AFG1L: variants seen among roughly 807,000 people sequenced by gnomAD.
AFG1L encodes AFG1-like ATPase.
AFG1L carries 53 observed loss-of-function variants against 62.2 expected under a neutral mutation model. The observed-to-expected ratio is 0.85, with a 90% CI of 0.68 to 1.07. The LOEUF (loss-of-function observed/expected upper bound fraction) is 1.07. Ranked by LOEUF, AFG1L falls within the 50% of genes least tolerant of loss-of-function variation. The pLI is 0.00. For missense variants in AFG1L, 555 were observed against 590.5 expected, an observed-to-expected ratio of 0.94 and a Z score of 0.62; for synonymous variants, 228 against 210.3, an observed-to-expected ratio of 1.08 and a Z score of -0.73.
chr6:108,418,446 C>T (rs1178519426), intron 7 of AFG1L, among the ~76,000 whole-genome samples: 1 of 152,150 alleles, frequency 6.6e-6, no homozygotes, highest in African/African-American at 2.4e-5. Context: ...ATATAATATA[C>T]AAAGGGCAAA....
At chr6:108,347,251 T>TTAG (rs1778899867) in intron 3 of AFG1L, among the ~76,000 whole-genome samples, 1 of 152,172 alleles carries the variant, frequency 6.6e-6, no homozygotes, top group Non-Finnish European at 1.5e-5. Context: ...TAGGGCAGAA[T>TTAG]TAGTCACCAT....
intron 6 of AFG1L, among the ~76,000 whole-genome samples, chr6:108,394,649 A>G (rs1781212842): frequency 6.6e-6 from 1 of 152,156 alleles, no homozygotes; most frequent in Non-Finnish European, 1.5e-5. Context: ...TGCTATGTGT[A>G]TGATAGTCTA....
intron 2 of AFG1L, among the ~76,000 whole-genome samples, chr6:108,329,684 T>C (rs1361547157): frequency 6.6e-6 from 1 of 151,966 alleles, no homozygotes; most frequent in Non-Finnish European, 1.5e-5. Context: ...TTTTAAAGAG[T>C]GTAAAGACGA....
intron 1 of AFG1L, chr6:108,295,847 A>C (rs1464643409): frequency 1.3e-5 from 2 of 152,166 alleles, no homozygotes; most frequent in East Asian, 3.9e-4. Flanking sequence ...TGCTCTATTC[A>C]TGTATTCGCA....
chr6:108,425,182 G>A (rs1333528296), intron 7 of AFG1L, among the ~76,000 whole-genome samples: 1 of 152,182 alleles, frequency 6.6e-6, no homozygotes, highest in Non-Finnish European at 1.5e-5. Context: ...CAGAGGTTAA[G>A]AGAGCCTTTT....
intron 7 of AFG1L, among the ~76,000 whole-genome samples, chr6:108,444,334 A>G (rs1485315287): frequency 6.6e-6 from 1 of 152,190 alleles, no homozygotes; most frequent in Admixed American, 6.5e-5. Flanking sequence ...CTGAACTTTC[A>G]GTGAGTGGTC....
At chr6:108,428,670 G>A (rs1770934962) in intron 7 of AFG1L, among the ~76,000 whole-genome samples, 1 of 152,160 alleles carries the variant, frequency 6.6e-6, no homozygotes, top group Non-Finnish European at 1.5e-5. Context: ...GTACCTCATT[G>A]TGGTTTTAAT....
intron 10 of AFG1L, among the ~76,000 whole-genome samples, chr6:108,481,158 T>G (rs1227862188): frequency 6.6e-6 from 1 of 152,204 alleles, no homozygotes; most frequent in African/African-American, 2.4e-5. Context: ...AAGTGCTGCC[T>G]TAGAGAAGTG....
At chr6:108,390,419 G>A (rs1290996008) in intron 6 of AFG1L, among the ~76,000 whole-genome samples, 6 of 152,186 alleles carry the variant, frequency 3.9e-5, no homozygotes, top group Non-Finnish European at 5.9e-5. Flanking sequence ...GAGGAGCTGC[G>A]TTCCTTTGGA....
chr6:108,466,886 A>T (rs1166900232), intron 8 of AFG1L, among the ~76,000 whole-genome samples: 2 of 151,780 alleles, frequency 1.3e-5, no homozygotes, highest in African/African-American at 2.4e-5. Context: ...CGGTAAAATG[A>T]TAATAAATTG....
intron 8 of AFG1L, among the ~76,000 whole-genome samples, chr6:108,452,494 C>G (rs1772096334): frequency 6.6e-6 from 1 of 152,128 alleles, no homozygotes; most frequent in Non-Finnish European, 1.5e-5. Context: ...TCTTTCCATA[C>G]TCACATACAA....
At chr6:108,395,267 T>C (rs1326654388) in intron 6 of AFG1L, among the ~76,000 whole-genome samples, 3 of 152,140 alleles carry the variant, frequency 2.0e-5, no homozygotes, top group Admixed American at 1.3e-4. Flanking sequence ...AAGTCTATCA[T>C]AGTTATCGAA....
chr6:108,307,215 T>C (rs1777232068), intron 1 of AFG1L, among the ~76,000 whole-genome samples: 1 of 151,714 alleles, frequency 6.6e-6, no homozygotes, highest in African/African-American at 2.4e-5. Flanking sequence ...GGTTTCACAA[T>C]GTTGGCCAGG....
At chr6:108,416,785 G>A (rs1303814578) in intron 7 of AFG1L, among the ~76,000 whole-genome samples, 1 of 152,126 alleles carries the variant, frequency 6.6e-6, no homozygotes, top group Non-Finnish European at 1.5e-5. Context: ...GCGGTGTGGG[G>A]AGAGGGGAGG....
intron 6 of AFG1L, among the ~76,000 whole-genome samples, chr6:108,372,424 G>A (rs1562115872): frequency 6.6e-6 from 1 of 151,288 alleles, no homozygotes; most frequent in Admixed American, 6.6e-5. Context: ...CCGCCTCCTG[G>A]GTTCAAGCGC....
rs1459589818 is a variant in AFG1L at position 108,510,809 on chromosome 6, A to C, written c.1203+457A>C. On this transcript the variant is annotated intron_variant, in intron 11 of 12. Coordinates refer to ENST00000368977, the MANE Select transcript of AFG1L (RefSeq NM_145315.5). ...ATAATGCATGAGCAAGCCAGGTGTG[A>C]TGGCTCATGCCTATCATCCCAGCAC... Among the ~76,000 whole-genome samples, 5 of 152,276 alleles carry C rather than the reference A, an allele frequency of 3.3e-5. No homozygotes were observed. In the Middle Eastern group the frequency reaches 0.01, roughly 311 times the overall value.
intron 7 of AFG1L, among the ~76,000 whole-genome samples, chr6:108,407,005 ACTCCCATGTGAT>A (rs1781885507): frequency 6.6e-6 from 1 of 151,704 alleles, no homozygotes; most frequent in Non-Finnish European, 1.5e-5. Flanking sequence ...GAGGGTTCTG[ACTCCCATGTGAT>A]CTCCACTGAT....
At chr6:108,380,345 C>T (rs543807717) in intron 6 of AFG1L, among the ~76,000 whole-genome samples, 2 of 152,242 alleles carry the variant, frequency 1.3e-5, no homozygotes, top group African/African-American at 4.8e-5. Context: ...TGGATTTCTG[C>T]CTGGGGTTGG....
At chr6:108,340,636 A>T (rs1383210094) in intron 2 of AFG1L, among the ~76,000 whole-genome samples, 4 of 152,188 alleles carry the variant, frequency 2.6e-5, no homozygotes, top group African/African-American at 7.2e-5. Context: ...AAGTGCTGGG[A>T]TTACAGGTGT....
Sources: allele counts gnomAD v4.1 joint callset (sites outside exome capture counted in the v4.1 genomes callset), GRCh38; gene constraint gnomAD v4.1.1; transcripts MANE v1.5; gene names NCBI Gene and HGNC (gene_info 2026-07-23, HGNC 2026-07-21).